Variants in RNLS observed in about 807,000 individuals in gnomAD.
RNLS encodes the protein renalase, FAD dependent amine oxidase.
RNLS carries 39 observed loss-of-function variants against 39.8 expected under a neutral mutation model. The observed-to-expected ratio is 0.98, with a 90% CI of 0.76 to 1.28. The LOEUF is 1.28. Ranked by LOEUF, RNLS falls within the 50% of genes most tolerant of loss-of-function variation. The probability of loss-of-function intolerance (pLI) is 0.00; values close to 1 mark genes in which losing one functional copy is unlikely to be tolerated. For missense variants in RNLS, 410 were observed against 413.3 expected, an observed-to-expected ratio of 0.99 and a Z score of 0.07; for synonymous variants, 147 against 150.7, an observed-to-expected ratio of 0.98 and a Z score of 0.18.
intron 6 of RNLS, among the ~76,000 whole-genome samples, chr10:88,307,792 C>A (rs1254227261): frequency 6.6e-6 from 1 of 152,102 alleles, no homozygotes; most frequent in Non-Finnish European, 1.5e-5. Flanking sequence ...GCTATTAAAC[C>A]ACCATTAACA....
At chr10:88,207,351 T>TA in the RNLS span, among the ~76,000 whole-genome samples, 2 of 151,890 alleles carry the variant, frequency 1.3e-5, no homozygotes, top group East Asian at 1.9e-4. Context: ...AATGGCCCCA[T>TA]AAAAATGAGC....
chr10:88,275,590 A>G (rs1198350508), intron 6 of RNLS, among the ~76,000 whole-genome samples: 1 of 152,206 alleles, frequency 6.6e-6, no homozygotes, highest in African/African-American at 2.4e-5. Context: ...TCAACGAAAT[A>G]TATCTATGTA....
chr10:88,336,464 T>C (rs1847503925), intron 5 of RNLS, among the ~76,000 whole-genome samples: 1 of 152,206 alleles, frequency 6.6e-6, no homozygotes, highest in Non-Finnish European at 1.5e-5. Context: ...ACCATTCTGA[T>C]AGGCATTTAG....
intron 4 of RNLS, among the ~76,000 whole-genome samples, chr10:88,465,807 T>C (rs539981987): frequency 6.6e-6 from 1 of 152,272 alleles, no homozygotes; most frequent in East Asian, 1.9e-4. Context: ...TATTATTTGC[T>C]TGTCAAAGGA....
intron 4 of RNLS, among the ~76,000 whole-genome samples, chr10:88,558,812 C>T (rs1849011178): frequency 6.6e-6 from 1 of 152,046 alleles, no homozygotes; most frequent in Non-Finnish European, 1.5e-5. Flanking sequence ...TCAAAGGTGA[C>T]AATATTTAAT....
intron 3 of RNLS, among the ~76,000 whole-genome samples, chr10:88,574,674 A>G (rs1429524901): frequency 2.0e-5 from 3 of 152,194 alleles, no homozygotes; most frequent in Non-Finnish European, 4.4e-5. Flanking sequence ...ACATAGTTCT[A>G]GCTAGCCCAA....
chr10:88,396,642 A>G (rs1396107112), intron 4 of RNLS, among the ~76,000 whole-genome samples: 1 of 151,400 alleles, frequency 6.6e-6, no homozygotes, highest in Non-Finnish European at 1.5e-5. Context: ...CTATCTTATC[A>G]GGAATTACAT....
At chr10:88,419,668 T>C (rs750680585) in intron 4 of RNLS, among the ~76,000 whole-genome samples, 9 of 152,176 alleles carry the variant, frequency 5.9e-5, no homozygotes, top group Non-Finnish European at 1.0e-4. Flanking sequence ...TGAAGAGTGC[T>C]TTCTTCCTCA....
At chr10:88,251,392 G>A in the RNLS span, among the ~76,000 whole-genome samples, 4,515 of 152,274 alleles carry the variant, frequency 0.03, 126 homozygotes, top group African/African-American at 0.076. Flanking sequence ...TTACCTAAAT[G>A]ACTTATTTCT....
At chr10:88,368,011 AT>A (rs1411914199) in intron 4 of RNLS, among the ~76,000 whole-genome samples, 6 of 151,564 alleles carry the variant, frequency 4.0e-5, no homozygotes, top group Non-Finnish European at 8.8e-5. Context: ...AGCCTAACTT[AT>A]TTTTTTCATT....
intron 6 of RNLS, among the ~76,000 whole-genome samples, chr10:88,288,513 A>T (rs769068011): frequency 6.6e-6 from 1 of 152,152 alleles, no homozygotes; most frequent in Non-Finnish European, 1.5e-5. Flanking sequence ...GTCTATGTAT[A>T]ATTTGCATAT....
chr10:88,430,088 C>A (rs1855045632), intron 4 of RNLS, among the ~76,000 whole-genome samples: 1 of 151,646 alleles, frequency 6.6e-6, no homozygotes, highest in South Asian at 2.1e-4. Context: ...ATGTATAAAT[C>A]AATATGGGGA....
chr10:88,221,090 T>C, the RNLS span, among the ~76,000 whole-genome samples: 4 of 152,208 alleles, frequency 2.6e-5, no homozygotes, highest in South Asian at 2.1e-4. Context: ...GCTTTGTATA[T>C]GCATCCCCCT....
At chr10:88,320,270 C>A (rs188430588) in intron 5 of RNLS, among the ~76,000 whole-genome samples, 264 of 151,654 alleles carry the variant, frequency 1.7e-3, no homozygotes, top group African/African-American at 6.1e-3. Context: ...TTTACCAGAC[C>A]AGTCCTACAA....
intron 5 of RNLS, among the ~76,000 whole-genome samples, chr10:88,355,663 G>T (rs1315188515): frequency 2.0e-5 from 3 of 151,950 alleles, no homozygotes; most frequent in Non-Finnish European, 2.9e-5. Flanking sequence ...GGGGTCAGGG[G>T]CCCACTTGAG....
At chr10:88,212,758 G>A in the RNLS span, among the ~76,000 whole-genome samples, 5 of 152,208 alleles carry the variant, frequency 3.3e-5, no homozygotes, top group African/African-American at 1.2e-4. Context: ...GCATGGGTAA[G>A]GACTAAGTTG....
intron 4 of RNLS, among the ~76,000 whole-genome samples, chr10:88,403,958 C>T (rs941309834): frequency 2.0e-5 from 3 of 151,972 alleles, no homozygotes; most frequent in Non-Finnish European, 4.4e-5. Flanking sequence ...GCAGTAAAAT[C>T]ACTTACGCCA....
At chr10:88,317,364 CA>C (rs1348371313) in intron 5 of RNLS, among the ~76,000 whole-genome samples, 2 of 152,190 alleles carry the variant, frequency 1.3e-5, no homozygotes, top group Non-Finnish European at 1.5e-5. Flanking sequence ...TTCCTTCAAA[CA>C]TAAAGTGCTA....
intron 4 of RNLS, among the ~76,000 whole-genome samples, chr10:88,398,195 C>T (rs1224803490): frequency 6.6e-6 from 1 of 152,042 alleles, no homozygotes; most frequent in Non-Finnish European, 1.5e-5. Context: ...CATGGGAGAT[C>T]CAGGATCAAC....
Sources: allele counts gnomAD v4.1 joint callset (sites outside exome capture counted in the v4.1 genomes callset), GRCh38; gene constraint gnomAD v4.1.1; transcripts MANE v1.5; gene names NCBI Gene and HGNC (gene_info 2026-07-23, HGNC 2026-07-21).